The following VAV1 variants were observed in gnomAD, a reference collection of about 807,000 sequenced individuals.
VAV1 encodes the protein proto-oncogene vav.
VAV1 carries 33 observed loss-of-function variants against 128.1 expected under a neutral mutation model. The observed-to-expected ratio is 0.26, with a 90% CI of 0.20 to 0.34. The LOEUF is 0.34. Ranked by LOEUF, VAV1 falls within the 10% of genes least tolerant of loss-of-function variation. The probability of loss-of-function intolerance (pLI) is 1.00; values close to 1 mark genes in which losing one functional copy is unlikely to be tolerated. For synonymous variants in VAV1, 394 were observed against 409.8 expected, an observed-to-expected ratio of 0.96 and a Z score of 0.47; for missense variants, 715 against 1,093.7, an observed-to-expected ratio of 0.65 and a Z score of 4.88.
At chr19:6,773,146 G>A in intron 1 of VAV1, 135 bp downstream of exon 1, 1 of 1,189,494 alleles carries the variant, frequency 8.4e-7, no homozygotes, top group Non-Finnish European at 1.2e-6. Flanking sequence ...GTCCAGGGCT[G>A]GCCCAGGGGG....
chr19:6,774,289 G>A (rs914456328), intron 1 of VAV1, among the ~76,000 whole-genome samples: 5 of 151,794 alleles, frequency 3.3e-5, no homozygotes, highest in Admixed American at 6.6e-5. Context: ...CACCACGCCT[G>A]GCTAATTTTT....
intron 1 of VAV1, among the ~76,000 whole-genome samples, chr19:6,807,354 C>T (rs1014235299): frequency 8.6e-5 from 13 of 151,710 alleles, no homozygotes; most frequent in Admixed American, 2.6e-4. Flanking sequence ...ACCAGATTCC[C>T]GATAAGGAGC....
At chr19:6,797,325 T>TA (rs1290827901) in intron 1 of VAV1, among the ~76,000 whole-genome samples, 1 of 152,060 alleles carries the variant, frequency 6.6e-6, no homozygotes, top group Non-Finnish European at 1.5e-5. Flanking sequence ...GGAGCCTTTT[T>TA]ACCCCCTTCA....
intron 1 of VAV1, among the ~76,000 whole-genome samples, chr19:6,780,065 CAG>C (rs1970734352): frequency 1.4e-5 from 1 of 72,016 alleles, no homozygotes; most frequent in Admixed American, 1.1e-4. Flanking sequence ...GAGCCGAGAT[CAG>C]GCCACTGCAC....
chr19:6,821,391 A>T (rs935032019), intron 2 of VAV1, among the ~76,000 whole-genome samples: 1 of 151,974 alleles, frequency 6.6e-6, no homozygotes, highest in African/African-American at 2.4e-5. Flanking sequence ...ACAGAGTGAG[A>T]CTCCGTTAAA....
intron 15 of VAV1, 39 bp from the exon 16 acceptor site, chr19:6,833,145 G>A: frequency 6.8e-7 from 1 of 1,467,240 alleles, no homozygotes; most frequent in Admixed American, 1.9e-5. Context: ...ATAAAATACT[G>A]ACCTTCTTTT....
rs114488391 is a variant in VAV1 at position 6,852,826 on chromosome 19, A to G, written c.2218-139A>G. ...AGGTGATGAACTCCCCATCATGGGG[A>G]GTATTCAAGGGGTCACTTTCCAAAG... On this transcript the variant is annotated intron_variant, in intron 24 of 26. Transcript: ENST00000602142. 7.2e-5 allele frequency: 42 copies of G among 581,030 alleles called. No individual in the cohort carries two copies. The South Asian group carries it at 8.2e-4, about 11-fold the overall frequency. The allele number at this position is 581,030 out of a possible 1,614,324, so 36.0% of individuals were successfully genotyped here.
At chr19:6,844,377 G>A (rs1302548272) in intron 22 of VAV1, among the ~76,000 whole-genome samples, 1 of 151,732 alleles carries the variant, frequency 6.6e-6, no homozygotes, top group Non-Finnish European at 1.5e-5. Context: ...CGCCACACCT[G>A]GCTAATTTTT....
intron 14 of VAV1, 120 bp downstream of exon 14, chr19:6,830,038 C>A: frequency 1.4e-6 from 2 of 1,460,408 alleles, no homozygotes; most frequent in African/African-American, 1.4e-5. Context: ...TTAATCCACT[C>A]AACAGGTGTT....
intron 21 of VAV1, among the ~76,000 whole-genome samples, chr19:6,838,461 T>C (rs1972286242): frequency 6.6e-6 from 1 of 152,026 alleles, no homozygotes; most frequent in South Asian, 2.1e-4. Context: ...TACTTATCAA[T>C]ACATTCATGA....
In VAV1 at chr19:6,839,514, T is replaced by C. The variant is rs184538127; in HGVS notation, c.1980+2464T>C. 3.5e-4 allele frequency among the ~76,000 whole-genome samples: 53 copies of C among 151,576 alleles called. No individual in the cohort carries two copies. The East Asian group carries it at 0.01, about 29-fold the overall frequency. On this transcript the variant is annotated intron_variant, in intron 21 of 26. Coordinates refer to ENST00000602142, the MANE Select transcript of VAV1 (RefSeq NM_005428.4). ...AACTCCTGACCTCAAATGATCTGCC[T>C]GCCTCGGCCTCCCAAAGTGCTGGGA...
chr19:6,798,238 T>C (rs1188499783), intron 1 of VAV1, among the ~76,000 whole-genome samples: 1 of 152,012 alleles, frequency 6.6e-6, no homozygotes, highest in Non-Finnish European at 1.5e-5. Flanking sequence ...GATCGCATCA[T>C]TGCACTCCAG....
At chr19:6,849,219 T>C (rs991624316) in intron 23 of VAV1, among the ~76,000 whole-genome samples, 1 of 150,904 alleles carries the variant, frequency 6.6e-6, no homozygotes, top group East Asian at 1.9e-4. Flanking sequence ...ATATACTCGG[T>C]AGTTTTTCAG....
intron 15 of VAV1, among the ~76,000 whole-genome samples, chr19:6,832,954 A>AT (rs1972121420): frequency 6.6e-6 from 1 of 152,048 alleles, no homozygotes. Flanking sequence ...TTCACTCCCA[A>AT]TTCCCCGCTC....
chr19:6,846,979 T>C (rs1422071400), intron 22 of VAV1, among the ~76,000 whole-genome samples: 2 of 150,804 alleles, frequency 1.3e-5, no homozygotes, highest in African/African-American at 4.9e-5. Flanking sequence ...AGTGGTGTGA[T>C]CTCAGCTCAC....
At chr19:6,773,552 G>A (rs1289157066) in intron 1 of VAV1, among the ~76,000 whole-genome samples, 4 of 152,128 alleles carry the variant, frequency 2.6e-5, no homozygotes, top group Non-Finnish European at 4.4e-5. Context: ...GGCAGGTGGG[G>A]GGCTGCAGCC....
At chr19:6,843,560 G>A (rs544284103) in intron 22 of VAV1, among the ~76,000 whole-genome samples, 2 of 152,192 alleles carry the variant, frequency 1.3e-5, no homozygotes, top group South Asian at 4.1e-4. Context: ...TTTGGAGCCC[G>A]CTGACCTGGA....
intron 22 of VAV1, among the ~76,000 whole-genome samples, chr19:6,845,338 T>A (rs1053854452): frequency 6.6e-6 from 1 of 151,998 alleles, no homozygotes; most frequent in Non-Finnish European, 1.5e-5. Flanking sequence ...TGAGCCGAGA[T>A]TGCGCCATTG....
rs1051320887 is a variant in VAV1, at chr19:6,780,429, A to G, written c.204+7418A>G. ...TGTGTGAACATCAGAGTACATTTAC[A>G]TAAACCTAGAGGGTACAGCATACTG... On this transcript the variant is annotated intron_variant, in intron 1 of 26. Coordinates refer to ENST00000602142, the MANE Select transcript of VAV1 (RefSeq NM_005428.4). Among the ~76,000 whole-genome samples, 5 of 150,750 alleles carry G rather than the reference A, an allele frequency of 3.3e-5. 1 individual carries two copies. Among genetic ancestry groups the G allele is most frequent in the Admixed American group, 3.3e-4 (5 of 15,116 alleles).
Sources: allele counts gnomAD v4.1 joint callset (sites outside exome capture counted in the v4.1 genomes callset), GRCh38; gene constraint gnomAD v4.1.1; transcripts MANE v1.5; gene names NCBI Gene and HGNC (gene_info 2026-07-23, HGNC 2026-07-21).